The following TNFRSF8 variants were observed in gnomAD, a reference collection of about 807,000 sequenced individuals.
The protein encoded by TNFRSF8 is tumor necrosis factor receptor superfamily member 8.
In TNFRSF8, 26 loss-of-function variants were observed where a neutral mutation model predicts 70.8. The observed-to-expected ratio is 0.37, with a 90% confidence interval of 0.27 to 0.51. TNFRSF8 has a LOEUF of 0.51. Ranked by LOEUF, TNFRSF8 falls within the 20% of genes least tolerant of loss-of-function variation. The pLI, the probability that TNFRSF8 is intolerant of heterozygous loss-of-function variation, is 0.94. For synonymous variants in TNFRSF8, 356 were observed against 339.2 expected, an observed-to-expected ratio of 1.05 and a Z score of -0.54; for missense variants, 720 against 807.9, an observed-to-expected ratio of 0.89 and a Z score of 1.32.
At chr1:12,081,944 C>G (rs1450121673) in intron 1 of TNFRSF8, among the ~76,000 whole-genome samples, 2 of 149,896 alleles carry the variant, frequency 1.3e-5, no homozygotes, top group Non-Finnish European at 3.0e-5. Context: ...TTCCTCCCTG[C>G]CTCTTGCCTC....
chr1:12,069,255 T>C (rs572233014), intron 1 of TNFRSF8, among the ~76,000 whole-genome samples: 115 of 135,366 alleles, frequency 8.5e-4, no homozygotes, highest in Non-Finnish European at 1.5e-3. Flanking sequence ...CTCAGCTCAC[T>C]GCAACCTCCA....
chr1:12,084,359 C>G, intron 1 of TNFRSF8, 105 bp from the exon 2 acceptor site: 2 of 997,790 alleles, frequency 2.0e-6, no homozygotes, highest in Non-Finnish European at 3.2e-6. Flanking sequence ...TGATTTCTCT[C>G]CTATATTACA....
At position 12,138,500 on chromosome 1, in the gene TNFRSF8, C is replaced by A; in HGVS notation, c.1543+64C>A. ...GGGCAGATGGGAGATGAATACGGGG[C>A]CCTGGGCCCTGGAAGGGACCTGGAG... On this transcript the variant is annotated intron_variant, in intron 14 of 14. Transcript: ENST00000263932. This position sits in a 1 kb window ranked among gnomAD's most constrained non-coding sequence, Gnocchi z 5.7. The A allele has an allele frequency of 6.8e-7, 1 of 1,467,286 alleles. No individual in the cohort carries two copies. The highest frequency in any genetic ancestry group is 9.2e-7 in the Non-Finnish European group (1 of 1,091,712). 90.9% of individuals were successfully genotyped at this position (1,467,286 alleles called of 1,614,324 possible). A position where few individuals can be genotyped will look rare whatever the true frequency, so the allele number is the denominator to read the frequency against.
rs1033439019 is a variant in TNFRSF8, at chr1:12,123,280, G to A, written c.947-4G>A. The A allele has an allele frequency of 9.9e-6, 16 of 1,610,598 alleles. No homozygotes were observed. Among genetic ancestry groups the A allele is most frequent in the Non-Finnish European group, 1.4e-5 (16 of 1,178,592 alleles). On this transcript the variant is annotated splice_region_variant and splice_polypyrimidine_tract_variant and intron_variant, in intron 8 of 14. Transcript: ENST00000263932. Reference sequence around the variant, plus strand: ...GGTTCTCAGATGTTACGTCCCCTCTGCAGATATGGCTGAGAAGGACACCAC... The same window carrying A: ...GGTTCTCAGATGTTACGTCCCCTCTACAGATATGGCTGAGAAGGACACCAC...
At chr1:12,122,380 C>T (rs942021370) in intron 8 of TNFRSF8, among the ~76,000 whole-genome samples, 2 of 151,838 alleles carry the variant, frequency 1.3e-5, no homozygotes, top group Admixed American at 1.3e-4. Context: ...GGCATGGTGG[C>T]TCACGCCTAC....
chr1:12,096,742 C>T (rs1641338052), intron 2 of TNFRSF8, among the ~76,000 whole-genome samples: 1 of 152,094 alleles, frequency 6.6e-6, no homozygotes, highest in Admixed American at 6.6e-5. Context: ...GAGGTGGGTC[C>T]TATTACTAAC....
At chr1:12,111,158 C>T (rs564475253) in intron 6 of TNFRSF8, among the ~76,000 whole-genome samples, 23 of 152,158 alleles carry the variant, frequency 1.5e-4, no homozygotes, top group African/African-American at 5.5e-4. Context: ...TGCTTATTCT[C>T]TCTATGATGT....
chr1:12,100,412 C>G (rs1160709975), intron 3 of TNFRSF8, among the ~76,000 whole-genome samples: 2 of 151,202 alleles, frequency 1.3e-5, no homozygotes, highest in African/African-American at 4.9e-5. Context: ...AACTTTTTCA[C>G]TTTATAAACT....
intron 1 of TNFRSF8, among the ~76,000 whole-genome samples, chr1:12,074,791 T>C (rs1241373042): frequency 6.6e-6 from 1 of 152,080 alleles, no homozygotes; most frequent in African/African-American, 2.4e-5. Context: ...GTTTGTTTGT[T>C]TGTTTATTTA....
rs1201187712 is a variant in TNFRSF8 at position 12,112,453 on chromosome 1, G to A, written c.793+439G>A. On this transcript the variant is annotated intron_variant, in intron 7 of 14. Coordinates refer to ENST00000263932, the MANE Select transcript of TNFRSF8 (RefSeq NM_001243.5). This position sits in a 1 kb window ranked among gnomAD's most constrained non-coding sequence, Gnocchi z 5.3. ...CACCCAAGCTGCAGTACGGTGGTGGGATCATAGCTCCCTGCAGCTGTGACC... is the reference window on the plus strand; with the variant it reads ...CACCCAAGCTGCAGTACGGTGGTGGAATCATAGCTCCCTGCAGCTGTGACC... Among the ~76,000 whole-genome samples the A allele has an allele frequency of 6.6e-6, 1 of 151,730 alleles. No homozygotes were observed. The highest frequency in any genetic ancestry group is 1.5e-5 in the Non-Finnish European group (1 of 67,950).
intron 14 of TNFRSF8, among the ~76,000 whole-genome samples, chr1:12,139,686 C>A (rs550113840): frequency 3.0e-4 from 45 of 152,354 alleles, no homozygotes; most frequent in Non-Finnish European, 5.3e-4. Context: ...TTGTCCTGTG[C>A]ATTTCTATGG....
At chr1:12,067,378 G>A (rs933421949) in intron 1 of TNFRSF8, among the ~76,000 whole-genome samples, 1 of 152,188 alleles carries the variant, frequency 6.6e-6, no homozygotes, top group Non-Finnish European at 1.5e-5. Flanking sequence ...CTGGGACCAG[G>A]AAGGTTCTCA....
At chr1:12,072,610 C>A (rs1214085430) in intron 1 of TNFRSF8, among the ~76,000 whole-genome samples, 5 of 152,282 alleles carry the variant, frequency 3.3e-5, no homozygotes, top group Admixed American at 2.6e-4. Context: ...TTGGAAGCCC[C>A]ACCCAGCAGG....
chr1:12,094,503 T>A (rs942008926), intron 2 of TNFRSF8, among the ~76,000 whole-genome samples: 1 of 151,808 alleles, frequency 6.6e-6, no homozygotes, highest in African/African-American at 2.4e-5. Context: ...CTGGGAGCCA[T>A]GAGAAGCCTT....
intron 2 of TNFRSF8, among the ~76,000 whole-genome samples, chr1:12,091,954 A>T (rs1431952265): frequency 6.6e-6 from 1 of 152,098 alleles, no homozygotes; most frequent in African/African-American, 2.4e-5. Flanking sequence ...TACTGATCTG[A>T]TAGGAGGTGG....
At chr1:12,096,973 G>A (rs538680177) in intron 2 of TNFRSF8, 128 bp from the exon 3 acceptor site, 42 of 677,736 alleles carry the variant, frequency 6.2e-5, no homozygotes, top group Admixed American at 5.6e-4. Context: ...CACAAGAATT[G>A]GACTGACAGT....
At chr1:12,100,946 G>T (rs1236951946) in intron 3 of TNFRSF8, among the ~76,000 whole-genome samples, 1 of 138,588 alleles carries the variant, frequency 7.2e-6, no homozygotes, top group African/African-American at 3.0e-5. Context: ...GACAGAATGA[G>T]ACTCTGTCTC....
chr1:12,113,641 AAG>A lies in TNFRSF8; in HGVS notation c.793+1631_793+1632del, dbSNP rs1054866208. On this transcript the variant is annotated intron_variant, in intron 7 of 14. Coordinates refer to ENST00000263932, the MANE Select transcript of TNFRSF8 (RefSeq NM_001243.5). This position sits in a 1 kb window ranked among gnomAD's most constrained non-coding sequence, Gnocchi z 4.9. Reference sequence around the variant, plus strand: ...AGAAAGAGGGAGAGAGAGAGACAGAAAGAGAAAGAGACGGAGTGAGCGAGAGA... The same window carrying A: ...AGAAAGAGGGAGAGAGAGAGACAGAAAGAAAGAGACGGAGTGAGCGAGAGA... 2.7e-5 allele frequency among the ~76,000 whole-genome samples: 4 copies of A among 150,180 alleles called. No homozygotes were observed. Among genetic ancestry groups the A allele is most frequent in the Non-Finnish European group, 4.4e-5 (3 of 67,548 alleles).
intron 1 of TNFRSF8, among the ~76,000 whole-genome samples, chr1:12,066,272 GTT>G (rs1184512723): frequency 6.7e-6 from 1 of 150,022 alleles, no homozygotes; most frequent in Non-Finnish European, 1.5e-5. Flanking sequence ...TCCCACTTCT[GTT>G]TTTTCCAGTA....
Sources: allele counts gnomAD v4.1 joint callset (sites outside exome capture counted in the v4.1 genomes callset), GRCh38; gene constraint gnomAD v4.1.1; non-coding constraint Gnocchi (gnomAD v3.1); transcripts MANE v1.5; gene names NCBI Gene and HGNC (gene_info 2026-07-23, HGNC 2026-07-21).